Variants in OTOA observed in about 807,000 individuals in gnomAD.
OTOA encodes the protein otoancorin, also known as cancer/testis antigen 108.
OTOA carries 70 observed loss-of-function variants against 110.8 expected under a neutral mutation model. That is an observed-to-expected ratio of 0.63 (90% CI 0.52 to 0.77). The LOEUF (loss-of-function observed/expected upper bound fraction) is 0.77, where lower values mean the gene tolerates loss of function less well. OTOA is among the 30% of genes least tolerant of loss of function. The pLI is 0.00. For synonymous variants in OTOA, 373 were observed against 431.5 expected (o/e 0.86, Z 1.68); for missense variants, 917 against 1,075.8 (o/e 0.85, Z 2.06).
In OTOA at chr16:21,685,341, G is replaced by A. The variant is rs778605976; in HGVS notation, c.379G>A (p.Glu127Lys). The A allele has an allele frequency of 6.2e-7, 1 of 1,612,354 alleles. No homozygotes were observed. The highest frequency in any genetic ancestry group is 1.7e-5 in the Admixed American group (1 of 59,958). ...CCGCACTGCCATGAAATGCCTCTTA[G>A]AAGACAAGAAGGACGGCTTGGTGAG... ...QFRTAMKCLL[E>K]DKKDGLDLKD... Residue 127 changes from glutamate (E) to lysine (K), a missense_variant, in exon 7 of 29, where the codon GAA becomes AAA. This residue lies in a region of OTOA where 840 missense variants were observed against 910.2 expected (regional missense o/e 0.92). Coordinates refer to ENST00000646100, the MANE Select transcript of OTOA (RefSeq NM_144672.4).
Position 21,678,605 on chromosome 16 carries a change from GGT to G in OTOA, c.91+1_91+2del. On this transcript the variant is annotated splice_donor_variant, in intron 2 of 28. Transcript: ENST00000646100. LOFTEE classifies it high-confidence loss of function. ...TTATACAGTGCCAAATTCCAGGCAG[GGT>G]AAGTCCTGAGGGAAGAATCACCCTT... 1 of 1,612,888 alleles carries G rather than the reference GGT, an allele frequency of 6.2e-7. No individual in the cohort carries two copies. Among genetic ancestry groups the G allele is most frequent in the Non-Finnish European group, 8.5e-7 (1 of 1,179,028 alleles).
At chr16:21,700,696 G>A (rs529099076) in intron 10 of OTOA, among the ~76,000 whole-genome samples, 192 bp from the exon 11 acceptor site, 1 of 144,334 alleles carries the variant, frequency 6.9e-6, no homozygotes, top group African/African-American at 2.6e-5. Context: ...CTGCACTCCA[G>A]CCTGGGCGAC....
At chr16:21,664,385 G>A (rs947550971) in intron 1 of OTOA, among the ~76,000 whole-genome samples, 153 bp downstream of exon 1, 1 of 152,080 alleles carries the variant, frequency 6.6e-6, no homozygotes, top group African/African-American at 2.4e-5. Context: ...GCAAAGTGTG[G>A]GTGCAGCGGC....
chr16:21,735,590 A>G (rs1168079929), intron 21 of OTOA, among the ~76,000 whole-genome samples: 1 of 152,092 alleles, frequency 6.6e-6, no homozygotes, highest in African/African-American at 2.4e-5. Context: ...AGGTACACAT[A>G]CATTTTTTTT....
chr16:21,752,116 A>AATTC lies in OTOA; in HGVS notation c.2918+42_2918+45dup. ...GAATGTGCAAAATGGCAAATGGGTT[A>AATTC]ATTCATCCATCCATCCATCCATCCA... is the stretch of plus-strand genomic sequence containing the variant. On this transcript the variant is annotated intron_variant, in intron 25 of 28. Transcript: ENST00000646100. 1.4e-5 allele frequency: 3 copies of AATTC among 216,152 alleles called. 1 individual carries two copies. The highest frequency in any genetic ancestry group is 1.8e-4 in the East Asian group (2 of 10,814). 13.4% of individuals were successfully genotyped at this position (216,152 alleles called of 1,614,324 possible).
intron 17 of OTOA, among the ~76,000 whole-genome samples, chr16:21,720,224 G>A (rs145244906): frequency 0.026 from 3,994 of 152,192 alleles, 151 homozygotes; most frequent in African/African-American, 0.089. Flanking sequence ...TCAAAGTGCT[G>A]GGATGACAGG....
At chr16:21,714,780 G>A (rs1404974651) in intron 13 of OTOA, among the ~76,000 whole-genome samples, 3 of 152,156 alleles carry the variant, frequency 2.0e-5, no homozygotes, top group Admixed American at 6.6e-5. Context: ...AAAGTGCTGG[G>A]ATTACAGGCG....
intron 5 of OTOA, among the ~76,000 whole-genome samples, chr16:21,679,465 T>C (rs749831109): frequency 4.8e-4 from 73 of 152,050 alleles, no homozygotes; most frequent in Non-Finnish European, 6.9e-4. Flanking sequence ...GCAGTGGTGC[T>C]ATCTTGGCTC....
chr16:21,712,713 C>T (rs963210462), intron 13 of OTOA, among the ~76,000 whole-genome samples: 1 of 150,750 alleles, frequency 6.6e-6, no homozygotes, highest in Admixed American at 6.6e-5. Context: ...GGCATGGTGG[C>T]GGGTGCCTGT....
In OTOA at chr16:21,696,452, G is replaced by A. The variant is rs1045231945; in HGVS notation, c.740-1323G>A. 2.6e-5 allele frequency among the ~76,000 whole-genome samples: 4 copies of A among 152,160 alleles called. 1 individual carries two copies. The South Asian group carries it at 6.2e-4, about 24-fold the overall frequency. ...GCCAAGATTTGGAGAATGTTTTGGG[G>A]AGGTACAAGTAGTTTGCTTTGGTTC... On this transcript the variant is annotated intron_variant, in intron 9 of 28. Coordinates refer to ENST00000646100, the MANE Select transcript of OTOA (RefSeq NM_144672.4).
intron 19 of OTOA, chr16:21,727,020 T>TC (rs1898941956): frequency 3.8e-6 from 1 of 259,860 alleles, no homozygotes; most frequent in African/African-American, 2.3e-5. Context: ...GAGTTTTTTT[T>TC]TTTTTTTTTT....
At chr16:21,721,277 AC>A (rs1375213163) in intron 17 of OTOA, 13 of 446,064 alleles carry the variant, frequency 2.9e-5, no homozygotes, top group African/African-American at 6.1e-5. Context: ...ACACACACAC[AC>A]AAACAACCAA....
intron 8 of OTOA, among the ~76,000 whole-genome samples, chr16:21,688,668 C>T (rs569329596): frequency 5.9e-5 from 9 of 152,172 alleles, no homozygotes; most frequent in South Asian, 4.1e-4. Context: ...GGCACCTTCT[C>T]GCTGTGTCCC....
At chr16:21,692,319 T>C (rs1287845095) in intron 9 of OTOA, among the ~76,000 whole-genome samples, 1 of 149,384 alleles carries the variant, frequency 6.7e-6, no homozygotes, top group Non-Finnish European at 1.5e-5. Context: ...AGAGCGAGAC[T>C]CCGTCTCGAA....
chr16:21,735,592 AT>A (rs1397179766), intron 21 of OTOA, among the ~76,000 whole-genome samples: 3 of 151,736 alleles, frequency 2.0e-5, no homozygotes, highest in Non-Finnish European at 2.9e-5. Context: ...GTACACATAC[AT>A]TTTTTTTGTT....
At position 21,714,494 on chromosome 16, in the gene OTOA, CTCTCTCTTTCTT is replaced by C. The variant is rs200693911; in HGVS notation, c.1321-487_1321-476del. Among the ~76,000 whole-genome samples the C allele has an allele frequency of 9.0e-3, 1,268 of 140,278 alleles. 30 individuals are homozygous for C. Among genetic ancestry groups the C allele is most frequent in the East Asian group, 0.05 (233 of 4,700 alleles). The allele number at this position is 140,278 out of a possible 152,430, so 92.0% of individuals were successfully genotyped here. A position where few individuals can be genotyped will look rare whatever the true frequency, so the allele number is the denominator to read the frequency against. ...TTCTTTCTTTCCTCTCCCTCTCTCT[CTCTCTCTTTCTT>C]TCTTTCTTTCTTTCTTTTCTTTCTG... is the stretch of plus-strand genomic sequence containing the variant. On this transcript the variant is annotated intron_variant, in intron 13 of 28. Transcript: ENST00000646100.
At chr16:21,688,361 C>G (rs1472166720) in intron 8 of OTOA, among the ~76,000 whole-genome samples, 1 of 151,864 alleles carries the variant, frequency 6.6e-6, no homozygotes, top group African/African-American at 2.4e-5. Flanking sequence ...TGCACTCCAA[C>G]CTGGGCGACA....
At position 21,717,395 on chromosome 16, in the gene OTOA, C is replaced by T. The variant is rs139324901; in HGVS notation, c.1629+348C>T. ...GTTCCGCAATGCAGTGAGTTATGGT[C>T]ATGCTACTCCACTCCAGTCTGGGCG... On this transcript the variant is annotated intron_variant, in intron 15 of 28. Coordinates refer to ENST00000646100, the MANE Select transcript of OTOA (RefSeq NM_144672.4). Among the ~76,000 whole-genome samples, 51 of 152,152 alleles carry T rather than the reference C, an allele frequency of 3.4e-4. No homozygotes were observed. In the East Asian group the frequency reaches 7.7e-3, roughly 23 times the overall value.
At chr16:21,685,180 T>G (rs1351379057) in intron 6 of OTOA, 50 bp from the exon 7 acceptor site, 2 of 1,604,792 alleles carry the variant, frequency 1.2e-6, no homozygotes, top group Non-Finnish European at 1.7e-6. Context: ...GCTGACCATG[T>G]GCTCCTGCTC....
Sources: allele counts gnomAD v4.1 joint callset (sites outside exome capture counted in the v4.1 genomes callset), GRCh38; gene constraint gnomAD v4.1.1; regional missense constraint gnomAD v4.1.1; transcripts MANE v1.5; gene names NCBI Gene and HGNC (gene_info 2026-07-23, HGNC 2026-07-21).